FANCC: variants seen among roughly 807,000 people sequenced by gnomAD.
The protein encoded by FANCC is FA complementation group C, also known as Fanconi anemia group C protein.
A neutral mutation model predicts 71.3 loss-of-function variants in FANCC; 55 were observed. That is an observed-to-expected ratio of 0.77 (90% CI 0.62 to 0.97). The LOEUF (loss-of-function observed/expected upper bound fraction) is 0.97, where lower values mean the gene tolerates loss of function less well. Among genes scored for constraint, FANCC ranks in the 50% least tolerant of loss-of-function variants. The probability of loss-of-function intolerance (pLI) is 0.00; values close to 1 mark genes in which losing one functional copy is unlikely to be tolerated. For missense variants in FANCC, 678 were observed against 670.9 expected (o/e 1.01, Z -0.12); for synonymous variants, 275 against 244.9 (o/e 1.12, Z -1.15).
intron 4 of FANCC, among the ~76,000 whole-genome samples, chr9:95,220,097 G>A (rs1434022168): frequency 6.6e-6 from 1 of 152,206 alleles, no homozygotes; most frequent in Admixed American, 6.5e-5. Context: ...CATTTATGCA[G>A]CCAACAGACA....
chr9:95,227,020 T>C (rs978940982), intron 4 of FANCC, among the ~76,000 whole-genome samples: 6 of 152,086 alleles, frequency 3.9e-5, no homozygotes, highest in African/African-American at 1.4e-4. Context: ...AACTTTTTCC[T>C]CTGCACAGTC....
At chr9:95,164,060 T>C (rs899325683) in intron 6 of FANCC, among the ~76,000 whole-genome samples, 3 of 152,230 alleles carry the variant, frequency 2.0e-5, no homozygotes, top group Admixed American at 6.5e-5. Flanking sequence ...AACTTCCTTT[T>C]TGGGTTGTTC....
intron 1 of FANCC, among the ~76,000 whole-genome samples, chr9:95,258,390 C>A (rs374218919): frequency 1.3e-5 from 2 of 152,158 alleles, no homozygotes; most frequent in African/African-American, 4.8e-5. Flanking sequence ...TCAACATATG[C>A]CAGTCAATAA....
intron 3 of FANCC, among the ~76,000 whole-genome samples, chr9:95,244,396 T>C (rs1190440138): frequency 6.6e-6 from 1 of 152,256 alleles, no homozygotes; most frequent in South Asian, 2.1e-4. Flanking sequence ...AAACACTTTG[T>C]AGGCTGGGTG....
intron 1 of FANCC, among the ~76,000 whole-genome samples, chr9:95,262,888 C>T (rs1832139409): frequency 6.6e-6 from 1 of 152,170 alleles, no homozygotes; most frequent in East Asian, 1.9e-4. Context: ...TGATTCCACA[C>T]AGATGAGGTA....
chr9:95,191,327 CTTTTTTTTTT>C (rs71366278), intron 4 of FANCC, among the ~76,000 whole-genome samples: 7 of 53,922 alleles, frequency 1.3e-4, no homozygotes, highest in Admixed American at 2.6e-4. Flanking sequence ...ATCCTACTTC[CTTTTTTTTTT>C]TTTTTTTTTT....
In FANCC at chr9:95,196,122, A is replaced by G. The variant is rs1042891618; in HGVS notation, c.346-23975T>C. On this transcript the variant is annotated intron_variant, in intron 4 of 14. Coordinates refer to ENST00000289081, the MANE Select transcript of FANCC (RefSeq NM_000136.3). ...GCCTTTTATTTCTTTTTCTTGACTG[A>G]TAACAGTGTCTTGAACTTCCAGTGT... 1.1e-4 allele frequency among the ~76,000 whole-genome samples: 16 copies of G among 152,210 alleles called. 1 individual carries two copies. The highest frequency in any genetic ancestry group is 3.6e-4 in the African/African-American group (15 of 41,550).
chr9:95,296,439 G>C (rs1188464160), intron 1 of FANCC, among the ~76,000 whole-genome samples: 1 of 151,880 alleles, frequency 6.6e-6, no homozygotes, highest in Non-Finnish European at 1.5e-5. Context: ...AAATAATTAT[G>C]TGGTTTTTAT....
At chr9:95,276,917 G>A (rs1723352795) in intron 1 of FANCC, among the ~76,000 whole-genome samples, 1 of 152,110 alleles carries the variant, frequency 6.6e-6, no homozygotes, top group Non-Finnish European at 1.5e-5. Context: ...TACTATTTTC[G>A]CAAGCTCTAG....
Position 95,189,388 on chromosome 9 carries a change from G to A in FANCC, c.346-17241C>T, listed in dbSNP as rs146992818. On this transcript the variant is annotated intron_variant, in intron 4 of 14. Transcript: ENST00000289081. Reference sequence around the variant, plus strand: ...TCATTCACAGACCCTCCCAGCGCCCGTTGTTTACATAGCCTATTCCGTGAG... The same window carrying A: ...TCATTCACAGACCCTCCCAGCGCCCATTGTTTACATAGCCTATTCCGTGAG... 3.9e-5 allele frequency among the ~76,000 whole-genome samples: 6 copies of A among 152,216 alleles called. No homozygotes were observed. The South Asian group carries it at 6.2e-4, about 16-fold the overall frequency.
chr9:95,155,292 GACGGA>G (rs1450360439), intron 6 of FANCC, among the ~76,000 whole-genome samples: 3 of 72,522 alleles, frequency 4.1e-5, no homozygotes, highest in African/African-American at 5.5e-5. Context: ...GAAGGAAGGG[GACGGA>G]AGGGGAGAGG....
chr9:95,199,678 GA>G (rs1052598983), intron 4 of FANCC, among the ~76,000 whole-genome samples: 3 of 152,120 alleles, frequency 2.0e-5, no homozygotes, highest in Non-Finnish European at 4.4e-5. Flanking sequence ...GGGGAACAGA[GA>G]AAAAACTACC....
chr9:95,282,406 C>T (rs1313483110), intron 1 of FANCC, among the ~76,000 whole-genome samples: 1 of 151,988 alleles, frequency 6.6e-6, no homozygotes, highest in Non-Finnish European at 1.5e-5. Flanking sequence ...TGTATATGCA[C>T]CCAATGTCAG....
chr9:95,285,409 AAAT>A (rs1833631827), intron 1 of FANCC, among the ~76,000 whole-genome samples: 2 of 152,222 alleles, frequency 1.3e-5, no homozygotes, highest in South Asian at 4.1e-4. Context: ...AAAAAAGCAA[AAAT>A]AATAATGCCA....
intron 13 of FANCC, among the ~76,000 whole-genome samples, chr9:95,110,047 G>A (rs912940013): frequency 4.6e-5 from 7 of 152,220 alleles, no homozygotes; most frequent in African/African-American, 1.7e-4. Context: ...GGGCACCTGT[G>A]ACAGAATGGG....
chr9:95,122,205 A>G (rs2072941198), intron 10 of FANCC, among the ~76,000 whole-genome samples: 1 of 152,104 alleles, frequency 6.6e-6, no homozygotes, highest in East Asian at 1.9e-4. Context: ...GGCAGGGAGG[A>G]GCACGTGGAT....
chr9:95,267,282 C>T (rs1485258562), intron 1 of FANCC, among the ~76,000 whole-genome samples: 2 of 152,114 alleles, frequency 1.3e-5, no homozygotes, highest in African/African-American at 4.8e-5. Flanking sequence ...AGCATCCTTG[C>T]CTCCTATGGA....
intron 1 of FANCC, among the ~76,000 whole-genome samples, chr9:95,268,884 C>T (rs1832557511): frequency 6.6e-6 from 1 of 152,146 alleles, no homozygotes; most frequent in South Asian, 2.1e-4. Flanking sequence ...AGGACACAGG[C>T]CCTGGAACCA....
chr9:95,164,509 T>C (rs1830949437), intron 6 of FANCC, among the ~76,000 whole-genome samples: 1 of 152,194 alleles, frequency 6.6e-6, no homozygotes, highest in Non-Finnish European at 1.5e-5. Context: ...GGTTTTACCA[T>C]AAGTGAGTAT....
Sources: gnomAD v4.1 joint callset for allele counts (sites outside exome capture counted in the v4.1 genomes callset) on GRCh38, gnomAD v4.1.1 for gene constraint, MANE v1.5 for transcripts, NCBI Gene and HGNC (gene_info 2026-07-23, HGNC 2026-07-21) for gene names.